Variants in TRIM36 observed in about 807,000 individuals in gnomAD.
TRIM36 encodes the protein tripartite motif containing 36.
In TRIM36, 42 loss-of-function variants were observed where a neutral mutation model predicts 72.4. The ratio of observed to expected loss-of-function variants is 0.58; its 90% CI spans 0.45 to 0.75. The LOEUF (loss-of-function observed/expected upper bound fraction) is 0.75, where lower values mean the gene tolerates loss of function less well. Among genes scored for constraint, TRIM36 ranks in the 30% least tolerant of loss-of-function variants. The pLI is 0.00. For missense variants in TRIM36, 913 were observed against 857.1 expected (o/e 1.07, Z -0.81); for synonymous variants, 315 against 282.8 (o/e 1.11, Z -1.14).
intron 3 of TRIM36, among the ~76,000 whole-genome samples, chr5:115,146,054 T>A (rs1030876181): frequency 1.3e-5 from 2 of 152,224 alleles, no homozygotes; most frequent in African/African-American, 4.8e-5. Flanking sequence ...AATCTTTTAT[T>A]ATATTTGTAA....
intron 1 of TRIM36, among the ~76,000 whole-genome samples, chr5:115,176,337 TGTAA>T (rs1389944876): frequency 3.3e-5 from 5 of 152,246 alleles, no homozygotes; most frequent in African/African-American, 1.2e-4. Context: ...TCTTTCAGAG[TGTAA>T]GTGTCTTCTT....
chr5:115,129,890 T>C (rs1011083151), intron 9 of TRIM36, among the ~76,000 whole-genome samples: 2 of 152,240 alleles, frequency 1.3e-5, no homozygotes, highest in Non-Finnish European at 2.9e-5. Context: ...CCACTTCTAG[T>C]ATTTCTCATG....
At chr5:115,139,382 A>C (rs955090187) in intron 5 of TRIM36, among the ~76,000 whole-genome samples, 1 of 152,182 alleles carries the variant, frequency 6.6e-6, no homozygotes. Flanking sequence ...CGGCCTCCCA[A>C]AGTGCTGAGA....
Position 115,169,689 on chromosome 5 carries a change from A to C in TRIM36, c.-55T>G, listed in dbSNP as rs1754990967. 1 of 1,509,000 alleles carries C rather than the reference A, an allele frequency of 6.6e-7. No individual in the cohort carries two copies. The highest frequency in any genetic ancestry group is 8.8e-7 in the Non-Finnish European group (1 of 1,131,692). The allele number at this position is 1,509,000 out of a possible 1,614,324, so 93.5% of individuals were successfully genotyped here. On this transcript the variant is annotated 5_prime_UTR_variant, in exon 1 of 10. Coordinates refer to ENST00000513154, the MANE Select transcript of TRIM36 (RefSeq NM_001300759.2). Reference sequence around the variant, plus strand: ...CACGTTCCACTCACACCGGCTACCGAGCGCAGGGTCTGGTGGGCGGGTCCC... The same window carrying C: ...CACGTTCCACTCACACCGGCTACCGCGCGCAGGGTCTGGTGGGCGGGTCCC...
chr5:115,146,203 A>T (rs1753584313), intron 3 of TRIM36, among the ~76,000 whole-genome samples: 2 of 152,360 alleles, frequency 1.3e-5, no homozygotes, highest in South Asian at 4.1e-4. Context: ...GGTCATTCAA[A>T]ATGTGATAGC....
upstream of TRIM36, chr5:115,180,223 G>A (rs539993726): frequency 1.8e-6 from 1 of 549,938 alleles, no homozygotes; most frequent in South Asian, 2.4e-5. Context: ...GGCCATCGAG[G>A]GCTCCCGGGC....
rs751700968 is a variant in TRIM36, at chr5:115,137,002, C to T, written c.1208G>A (p.Ser403Asn). The T allele has an allele frequency of 6.3e-7, 1 of 1,593,384 alleles. No individual in the cohort carries two copies. Among genetic ancestry groups the T allele is most frequent in the Non-Finnish European group, 8.5e-7 (1 of 1,173,120 alleles). The part of the protein sequence containing the change: ...ELLGELSFFS[S>N]GIDVPEINEE... ...TTTTTGCCTTCATTAAGACTTACCA[C>T]TAGAGAAAAAGGATAATTCTCCAAG... Residue 403 changes from serine (S) to asparagine (N), a missense_variant and splice_region_variant, in exon 7 of 10, where the codon AGT (serine) becomes AAT (asparagine). Ser to Asn is a conservative substitution (Grantham distance 46). Coordinates refer to ENST00000513154, the MANE Select transcript of TRIM36 (RefSeq NM_001300759.2).
intron 2 of TRIM36, chr5:115,148,308 C>A: frequency 1.0e-6 from 1 of 983,118 alleles, no homozygotes; most frequent in Non-Finnish European, 1.2e-6. Context: ...TTTAATAAAT[C>A]AAGAAACCAA....
At chr5:115,174,758 G>A (rs1755261580), upstream of TRIM36, among the ~76,000 whole-genome samples, 1 of 152,114 alleles carries the variant, frequency 6.6e-6, no homozygotes, top group Non-Finnish European at 1.5e-5. Context: ...GTACACTGAT[G>A]TTTGATGTTT....
In TRIM36 at chr5:115,169,883, C is replaced by G. The variant is rs1186437528; in HGVS notation, c.-249G>C. On this transcript the variant is annotated 5_prime_UTR_variant, in exon 1 of 10. Transcript: ENST00000513154. ...CCCGGGAATCCCGCCCAGCTGCCGG[C>G]TGCAGCAGCGGCTCCTGCGGACTGC... The G allele has an allele frequency of 7.7e-7, 1 of 1,304,742 alleles. No homozygotes were observed. Among genetic ancestry groups the G allele is most frequent in the African/African-American group, 1.5e-5 (1 of 65,036 alleles). 80.8% of individuals were successfully genotyped at this position (1,304,742 alleles called of 1,614,324 possible).
At chr5:115,180,089 G>T in exon 1 of TRIM36, 2 of 1,559,164 alleles carry the variant, frequency 1.3e-6, no homozygotes, top group South Asian at 2.3e-5. Context: ...TATCGAATTT[G>T]TCCTTTCTTT....
intron 1 of TRIM36, among the ~76,000 whole-genome samples, chr5:115,166,470 C>T (rs1409860119): frequency 5.3e-5 from 8 of 152,142 alleles, no homozygotes; most frequent in Non-Finnish European, 7.4e-5. Context: ...CTGCAGTTGT[C>T]GGGAGGAACT....
At chr5:115,143,832 C>T (rs1753421463) in intron 4 of TRIM36, among the ~76,000 whole-genome samples, 1 of 152,114 alleles carries the variant, frequency 6.6e-6, no homozygotes, top group South Asian at 2.1e-4. Context: ...AAGTTTTAAA[C>T]ATCATCAATA....
intron 4 of TRIM36, among the ~76,000 whole-genome samples, chr5:115,142,290 T>C (rs1184345254): frequency 6.6e-6 from 1 of 152,004 alleles, no homozygotes. Context: ...AGCACCAAGC[T>C]GAAAGTAAAA....
intron 1 of TRIM36, among the ~76,000 whole-genome samples, chr5:115,164,157 A>T (rs1212531639): frequency 6.6e-6 from 1 of 152,214 alleles, no homozygotes; most frequent in East Asian, 1.9e-4. Flanking sequence ...TTATTTAGTG[A>T]ATTAACACTG....
intron 5 of TRIM36, among the ~76,000 whole-genome samples, 170 bp from the exon 6 acceptor site, chr5:115,137,786 T>A (rs1172415550): frequency 6.6e-6 from 1 of 152,216 alleles, no homozygotes; most frequent in African/African-American, 2.4e-5. Flanking sequence ...AAAAAAGTTT[T>A]ATCTAACTCT....
chr5:115,175,648 CT>C (rs1010069620), intron 1 of TRIM36, among the ~76,000 whole-genome samples: 4 of 148,278 alleles, frequency 2.7e-5, no homozygotes, highest in Non-Finnish European at 4.5e-5. Context: ...TAGGAGACAC[CT>C]TTTTTTTTCA....
intron 4 of TRIM36, among the ~76,000 whole-genome samples, chr5:115,143,902 A>C (rs1753427781): frequency 6.6e-6 from 1 of 152,026 alleles, no homozygotes. Context: ...ACAGAGTCTC[A>C]CTCTGTCACC....
At chr5:115,175,029 A>G (rs1438931766) in intron 1 of TRIM36, among the ~76,000 whole-genome samples, 2 of 152,086 alleles carry the variant, frequency 1.3e-5, no homozygotes, top group African/African-American at 4.8e-5. Context: ...ACCACATCTT[A>G]TTATTCTTCC....
Sources: gnomAD v4.1 joint callset for allele counts (sites outside exome capture counted in the v4.1 genomes callset) on GRCh38, gnomAD v4.1.1 for gene constraint, MANE v1.5 for transcripts, NCBI Gene and HGNC (gene_info 2026-07-23, HGNC 2026-07-21) for gene names.